Variants in FAM3C observed in about 807,000 individuals in gnomAD.
FAM3C encodes the protein FAM3 metabolism regulating signaling molecule C, also known as protein FAM3C.
Under a neutral mutation model 32.5 loss-of-function variants are expected in FAM3C, and 15 were observed. That is an observed-to-expected ratio of 0.46 (90% confidence interval 0.31 to 0.71). The LOEUF is 0.71. FAM3C is among the 30% of genes least tolerant of loss of function. The pLI, the probability that FAM3C is intolerant of heterozygous loss-of-function variation, is 0.05. For synonymous variants in FAM3C, 75 were observed against 86.1 expected (o/e 0.87, Z 0.72); for missense variants, 175 against 274.4 (o/e 0.64, Z 2.56).
At chr7:121,395,920 A>T (rs559053314) in intron 1 of FAM3C, among the ~76,000 whole-genome samples, 1 of 151,230 alleles carries the variant, frequency 6.6e-6, no homozygotes, top group South Asian at 2.1e-4. Flanking sequence ...GAGCCCGGGG[A>T]TGCCCACGCC....
chr7:121,388,387 C>A (rs1794509454), intron 1 of FAM3C, among the ~76,000 whole-genome samples: 2 of 151,844 alleles, frequency 1.3e-5, no homozygotes, highest in Admixed American at 1.3e-4. Flanking sequence ...GCTAAACTCA[C>A]ATTTTGAAAA....
chr7:121,374,753 CATAA>C, intron 3 of FAM3C, among the ~76,000 whole-genome samples: 1 of 152,326 alleles, frequency 6.6e-6, no homozygotes, highest in Non-Finnish European at 1.5e-5. Context: ...CATCTGCCCT[CATAA>C]TGTCTAAATC....
rs892510464 is a variant in FAM3C, at chr7:121,368,650, T to C, written c.272+2650A>G. ...TTGAAATCCTTCCACAAGTTCTCAATACACTCAGAAAAAAGTCTCAACCCT... is the reference window on the plus strand; with the variant it reads ...TTGAAATCCTTCCACAAGTTCTCAACACACTCAGAAAAAAGTCTCAACCCT... On this transcript the variant is annotated intron_variant, in intron 5 of 9. Transcript: ENST00000359943. 5.3e-5 allele frequency among the ~76,000 whole-genome samples: 8 copies of C among 152,186 alleles called. No individual in the cohort carries two copies. The Middle Eastern group carries it at 0.01, about 195-fold the overall frequency.
At chr7:121,374,009 A>G (rs1391603097) in intron 3 of FAM3C, among the ~76,000 whole-genome samples, 9 of 147,106 alleles carry the variant, frequency 6.1e-5, no homozygotes, top group Non-Finnish European at 1.2e-4. Context: ...AAAAAAAAAG[A>G]AAAAAAAAAA....
chr7:121,370,025 G>A (rs1794114267), intron 5 of FAM3C, among the ~76,000 whole-genome samples: 1 of 152,146 alleles, frequency 6.6e-6, no homozygotes, highest in Non-Finnish European at 1.5e-5. Context: ...CATGGGTTAG[G>A]TATTCTAAAA....
Position 121,383,030 on chromosome 7 carries a change from A to T in FAM3C, c.-41-20T>A. The stretch of plus-strand genomic sequence containing the variant: ...ATGCTCCTAAAAAATCAAAACAAAA[A>T]GCAAATATCATTAGCTCTAGAGCAA... On this transcript the variant is annotated intron_variant, in intron 1 of 9. Transcript: ENST00000359943. The T allele has an allele frequency of 7.4e-7, 1 of 1,352,492 alleles. No homozygotes were observed. The highest frequency in any genetic ancestry group is 1.1e-6 in the Non-Finnish European group (1 of 950,514). The allele number at this position is 1,352,492 out of a possible 1,614,324, so 83.8% of individuals were successfully genotyped here.
In FAM3C at chr7:121,349,296, C is replaced by A. The variant is rs1372302343; in HGVS notation, c.*1165G>T. The A allele has an allele frequency of 6.6e-6, 1 of 152,202 alleles. No individual in the cohort carries two copies. Among genetic ancestry groups the A allele is most frequent in the African/African-American group, 2.4e-5 (1 of 41,324 alleles). The allele number at this position is 152,202 out of a possible 1,614,324, so 9.4% of individuals were successfully genotyped here. ...TAAATTTATGTTCCAGTTTGAGATA[C>A]TTCATACACAACATATATTTAATGC... On this transcript the variant is annotated 3_prime_UTR_variant, in exon 10 of 10. Coordinates refer to ENST00000359943, the MANE Select transcript of FAM3C (RefSeq NM_014888.3).
At chr7:121,373,993 C>A (rs1395796927) in intron 3 of FAM3C, among the ~76,000 whole-genome samples, 2 of 130,982 alleles carry the variant, frequency 1.5e-5, no homozygotes, top group African/African-American at 3.2e-5. Flanking sequence ...AAGACTCCGT[C>A]TCAAAAAAAA....
intron 8 of FAM3C, among the ~76,000 whole-genome samples, chr7:121,357,766 C>T (rs868359820): frequency 1.1e-4 from 17 of 152,232 alleles, no homozygotes; most frequent in African/African-American, 4.1e-4. Flanking sequence ...TCCAAAGCTG[C>T]TTTTGGTGCA....
chr7:121,377,008 C>T (rs1452224088), intron 3 of FAM3C, among the ~76,000 whole-genome samples: 1 of 152,026 alleles, frequency 6.6e-6, no homozygotes, highest in East Asian at 1.9e-4. Context: ...GGCTGTGTCC[C>T]CACCAAATCT....
At chr7:121,371,526 T>C (rs1794146881) in intron 4 of FAM3C, 103 bp from the exon 5 acceptor site, 8 of 1,215,780 alleles carry the variant, frequency 6.6e-6, no homozygotes, top group Non-Finnish European at 9.4e-6. Context: ...AAGAAAAACA[T>C]CAAGATACAC....
At chr7:121,365,613 G>A (rs1263395430) in intron 5 of FAM3C, among the ~76,000 whole-genome samples, 1 of 151,896 alleles carries the variant, frequency 6.6e-6, no homozygotes, top group African/African-American at 2.4e-5. Flanking sequence ...AGGAAGGCAG[G>A]AAAATGAGAA....
intron 1 of FAM3C, among the ~76,000 whole-genome samples, chr7:121,384,746 A>G (rs1342829053): frequency 6.6e-6 from 1 of 152,228 alleles, no homozygotes; most frequent in Non-Finnish European, 1.5e-5. Context: ...CAGAGAATTC[A>G]CATTTAGTAA....
At chr7:121,389,144 T>A (rs1328129669) in intron 1 of FAM3C, among the ~76,000 whole-genome samples, 1 of 152,140 alleles carries the variant, frequency 6.6e-6, no homozygotes, top group African/African-American at 2.4e-5. Context: ...AAAGACTTAG[T>A]GTAGGGAGAG....
At chr7:121,352,365 A>G (rs1340494750) in intron 8 of FAM3C, among the ~76,000 whole-genome samples, 1 of 152,194 alleles carries the variant, frequency 6.6e-6, no homozygotes, top group Non-Finnish European at 1.5e-5. Flanking sequence ...TACATATATC[A>G]TTAAACTTTC....
intron 1 of FAM3C, among the ~76,000 whole-genome samples, chr7:121,389,710 A>G (rs997625957): frequency 2.4e-4 from 36 of 152,050 alleles, no homozygotes; most frequent in African/African-American, 7.7e-4. Context: ...ATATGTGTAT[A>G]ATCACCTAGC....
intron 2 of FAM3C, among the ~76,000 whole-genome samples, chr7:121,379,748 AC>A (rs1794313256): frequency 6.6e-6 from 1 of 152,152 alleles, no homozygotes; most frequent in African/African-American, 2.4e-5. Context: ...GAAACACTCT[AC>A]TGATAACTAC....
chr7:121,362,398 G>A (rs569047865), intron 7 of FAM3C, among the ~76,000 whole-genome samples: 1 of 152,232 alleles, frequency 6.6e-6, no homozygotes, highest in South Asian at 2.1e-4. Flanking sequence ...GTAGAACTGT[G>A]ATGAATAATA....
chr7:121,382,853 T>A, intron 2 of FAM3C, 104 bp downstream of exon 2: 1 of 860,344 alleles, frequency 1.2e-6, no homozygotes, highest in Non-Finnish European at 1.8e-6. Flanking sequence ...TTATTTCAGT[T>A]TAACCTTCTC....
Sources: allele counts gnomAD v4.1 joint callset (sites outside exome capture counted in the v4.1 genomes callset), GRCh38; gene constraint gnomAD v4.1.1; transcripts MANE v1.5; gene names NCBI Gene and HGNC (gene_info 2026-07-23, HGNC 2026-07-21).